DAB1: variants seen among roughly 807,000 people sequenced by gnomAD.
DAB1 encodes DAB adaptor protein 1.
Under a neutral mutation model 64.6 loss-of-function variants are expected in DAB1, and 15 were observed. The observed-to-expected ratio is 0.23, with a 90% CI of 0.16 to 0.36. The LOEUF is 0.36. DAB1 is among the 10% of genes least tolerant of loss of function. DAB1 has a pLI of 1.00. For missense variants in DAB1, 596 were observed against 706.7 expected (o/e 0.84, Z 1.78); for synonymous variants, 235 against 251.9 (o/e 0.93, Z 0.64).
chr1:57,526,573 A>G (rs191839444), intron 7 of DAB1, among the ~76,000 whole-genome samples: 1 of 152,340 alleles, frequency 6.6e-6, no homozygotes, highest in Admixed American at 6.5e-5. Context: ...CCAAAGCATT[A>G]TAACTCTGAG....
chr1:57,555,388 T>C (rs950463399), intron 7 of DAB1, among the ~76,000 whole-genome samples: 1 of 80,430 alleles, frequency 1.2e-5, no homozygotes, highest in African/African-American at 4.3e-5. Context: ...TGTCTGTCTC[T>C]GGGTTTTTTT....
At chr1:58,279,935 G>C (rs996519844) in intron 4 of DAB1, among the ~76,000 whole-genome samples, 1 of 152,080 alleles carries the variant, frequency 6.6e-6, no homozygotes, top group Non-Finnish European at 1.5e-5. Flanking sequence ...CGAGTGTTTG[G>C]AATTGGACTC....
In DAB1 at chr1:58,052,202, A is replaced by T. The variant is rs556387833; in HGVS notation, n.387+98309T>A. Among the ~76,000 whole-genome samples, 5 of 152,320 alleles carry T rather than the reference A, an allele frequency of 3.3e-5. No homozygotes were observed. In the South Asian group the frequency reaches 1.0e-3, roughly 32 times the overall value. On this transcript the variant is annotated intron_variant and non_coding_transcript_variant, in intron 5 of 20. Transcript: ENST00000485760. ...GGTCTAACATTCAAGTCTTTAATCCATCTTGAATTAATTTTTGTATAAGAG... is the reference window on the plus strand; with the variant it reads ...GGTCTAACATTCAAGTCTTTAATCCTTCTTGAATTAATTTTTGTATAAGAG...
At chr1:57,536,794 C>T (rs772947613) in intron 7 of DAB1, among the ~76,000 whole-genome samples, 39 of 152,180 alleles carry the variant, frequency 2.6e-4, no homozygotes, top group Non-Finnish European at 5.6e-4. Flanking sequence ...ACTCCCACCC[C>T]CGCCAGCCTA....
At chr1:57,948,955 T>C (rs1645224839) in intron 5 of DAB1, among the ~76,000 whole-genome samples, 1 of 152,184 alleles carries the variant, frequency 6.6e-6, no homozygotes, top group Non-Finnish European at 1.5e-5. Context: ...ATTTAATGCC[T>C]ACAAAGGATA....
At chr1:57,319,229 G>A (rs764264556) in intron 1 of DAB1, among the ~76,000 whole-genome samples, 2 of 152,154 alleles carry the variant, frequency 1.3e-5, no homozygotes, top group Non-Finnish European at 2.9e-5. Context: ...TTGAAGCGGG[G>A]AACCATTGAG....
At chr1:57,450,622 C>T (rs967908677) in intron 7 of DAB1, among the ~76,000 whole-genome samples, 3 of 152,178 alleles carry the variant, frequency 2.0e-5, no homozygotes, top group African/African-American at 7.2e-5. Context: ...GAGGCAGGCC[C>T]ACTTTTATAC....
rs1420750792 is a variant in DAB1 at position 57,777,102 on chromosome 1, T to A, written n.551+106897A>T. ...ACTAGGTTGACAGCTTTTTTTTTTT[T>A]AAAGCACGTTAAAGATTTTTCCGTT... is the stretch of plus-strand genomic sequence containing the variant. On this transcript the variant is annotated intron_variant and non_coding_transcript_variant, in intron 6 of 20. Transcript: ENST00000485760. 7.3e-5 allele frequency among the ~76,000 whole-genome samples: 11 copies of A among 150,418 alleles called. No homozygotes were observed. In the South Asian group the frequency reaches 8.4e-4, roughly 11 times the overall value.
intron 6 of DAB1, among the ~76,000 whole-genome samples, chr1:57,760,533 C>T (rs1649028986): frequency 6.6e-6 from 1 of 151,656 alleles, no homozygotes; most frequent in Non-Finnish European, 1.5e-5. Context: ...TCTTCCCTTC[C>T]TCTTTTCTCC....
chr1:57,694,785 A>T (rs1191688398), intron 6 of DAB1, among the ~76,000 whole-genome samples: 1 of 152,174 alleles, frequency 6.6e-6, no homozygotes, highest in African/African-American at 2.4e-5. Flanking sequence ...TGAACAACTC[A>T]TGGCCACTCT....
intron 5 of DAB1, among the ~76,000 whole-genome samples, chr1:57,968,576 G>A (rs932538959): frequency 2.0e-5 from 3 of 152,054 alleles, no homozygotes; most frequent in South Asian, 4.1e-4. Flanking sequence ...TAAGAATTGC[G>A]GTAGAACACA....
At chr1:57,313,291 C>A (rs533507048) in intron 1 of DAB1, among the ~76,000 whole-genome samples, 1 of 152,284 alleles carries the variant, frequency 6.6e-6, no homozygotes, top group South Asian at 2.1e-4. Flanking sequence ...CTTCCCCGAG[C>A]CCTAGCCTGG....
At chr1:57,094,058 G>A (rs1378118069) in intron 4 of DAB1, among the ~76,000 whole-genome samples, 2 of 149,224 alleles carry the variant, frequency 1.3e-5, no homozygotes, top group Non-Finnish European at 3.0e-5. Flanking sequence ...GCAGTGAGCT[G>A]AGGTCATGCC....
chr1:57,397,493 C>A (rs145123140), intron 1 of DAB1, among the ~76,000 whole-genome samples: 4 of 152,284 alleles, frequency 2.6e-5, no homozygotes, highest in African/African-American at 9.6e-5. Flanking sequence ...TCCCATTCCA[C>A]GAACATTTAC....
chr1:57,767,462 A>G (rs1162565655), intron 6 of DAB1, among the ~76,000 whole-genome samples: 2 of 152,196 alleles, frequency 1.3e-5, no homozygotes, highest in African/African-American at 2.4e-5. Flanking sequence ...ACCCGTCTGA[A>G]TAATATAGCA....
chr1:57,550,728 C>T (rs900031957), intron 7 of DAB1, among the ~76,000 whole-genome samples: 2 of 152,166 alleles, frequency 1.3e-5, no homozygotes, highest in Non-Finnish European at 2.9e-5. Flanking sequence ...GAGTGCGTTA[C>T]TTTCTTAGTG....
chr1:58,536,534 T>A (rs1437797195), intron 1 of DAB1: 2 of 872,512 alleles, frequency 2.3e-6, no homozygotes, highest in Non-Finnish European at 4.0e-6. Flanking sequence ...CCAGTTCCGA[T>A]AAAAGTCTGA....
In DAB1 at chr1:57,301,100, A is replaced by T. The variant is rs528862991; in HGVS notation, c.-136-9934T>A. 4.9e-4 allele frequency among the ~76,000 whole-genome samples: 74 copies of T among 152,286 alleles called. 1 individual carries two copies. The East Asian group carries it at 0.014, about 29-fold the overall frequency. On this transcript the variant is annotated intron_variant, in intron 1 of 14. Transcript: ENST00000371236. Reference sequence around the variant, plus strand: ...TCCTAGATAAATGAATCTTCAAAAAAAAAAAGGTAAAAAGCAAACATACCC... The same window carrying T: ...TCCTAGATAAATGAATCTTCAAAAATAAAAAGGTAAAAAGCAAACATACCC...
At chr1:57,535,145 T>C (rs1644710713) in intron 7 of DAB1, among the ~76,000 whole-genome samples, 1 of 152,176 alleles carries the variant, frequency 6.6e-6, no homozygotes, top group Non-Finnish European at 1.5e-5. Flanking sequence ...CTGCATTAAT[T>C]TCCTAACCTC....
Sources: allele counts gnomAD v4.1 joint callset (sites outside exome capture counted in the v4.1 genomes callset), GRCh38; gene constraint gnomAD v4.1.1; transcripts MANE v1.5; gene names NCBI Gene and HGNC (gene_info 2026-07-23, HGNC 2026-07-21).